HMCN1: variants seen among roughly 807,000 people sequenced by gnomAD.
HMCN1 encodes hemicentin 1, also known as hemicentin-1.
HMCN1 carries 321 observed loss-of-function variants against 625.9 expected under a neutral mutation model. That is an observed-to-expected ratio of 0.51 (90% CI 0.47 to 0.56). HMCN1 has a LOEUF of 0.56. Ranked by LOEUF, HMCN1 falls within the 20% of genes least tolerant of loss-of-function variation. The probability of loss-of-function intolerance (pLI) is 0.00; values close to 1 mark genes in which losing one functional copy is unlikely to be tolerated. For synonymous variants in HMCN1, 2,425 were observed against 2,417.6 expected (o/e 1.00, Z -0.09); for missense variants, 6,588 against 6,887.3 (o/e 0.96, Z 1.54).
chr1:185,981,433 AAATAT>A (rs1415373878), intron 17 of HMCN1, among the ~76,000 whole-genome samples: 2 of 152,102 alleles, frequency 1.3e-5, no homozygotes, highest in African/African-American at 2.4e-5. Flanking sequence ...TGATAGGTAA[AAATAT>A]AATATCATTT....
At chr1:186,089,666 C>A (rs1659727279) in intron 63 of HMCN1, among the ~76,000 whole-genome samples, 1 of 152,020 alleles carries the variant, frequency 6.6e-6, no homozygotes, top group East Asian at 1.9e-4. Context: ...TAGGACTAAA[C>A]ATTTTACCAG....
intron 1 of HMCN1, among the ~76,000 whole-genome samples, chr1:185,781,501 C>G (rs143208199): frequency 2.6e-5 from 4 of 152,152 alleles, no homozygotes; most frequent in Admixed American, 2.0e-4. Flanking sequence ...ACGAATTTCC[C>G]TCTACACACT....
intron 34 of HMCN1, 109 bp downstream of exon 34, chr1:186,018,461 A>G (rs1194873427): frequency 3.5e-6 from 4 of 1,146,106 alleles, no homozygotes; most frequent in Non-Finnish European, 5.2e-6. Context: ...TGAGTTGTGG[A>G]AGGTAGTGTA....
At chr1:186,159,431 C>T (rs903607722) in intron 97 of HMCN1, among the ~76,000 whole-genome samples, 11 of 151,972 alleles carry the variant, frequency 7.2e-5, no homozygotes, top group Non-Finnish European at 1.3e-4. Flanking sequence ...TGCCTAATTG[C>T]CCTGGCCAGA....
intron 1 of HMCN1, among the ~76,000 whole-genome samples, chr1:185,743,454 A>C (rs1031162199): frequency 6.6e-6 from 1 of 152,218 alleles, no homozygotes; most frequent in African/African-American, 2.4e-5. Context: ...TTTCTAAAGC[A>C]GGTGATTTTG....
At position 186,007,295 on chromosome 1, in the gene HMCN1, G is replaced by A; in HGVS notation, c.4630+13G>A. The A allele has an allele frequency of 1.2e-6, 2 of 1,612,444 alleles. No individual in the cohort carries two copies. Among genetic ancestry groups the A allele is most frequent in the Non-Finnish European group, 1.7e-6 (2 of 1,178,660 alleles). On this transcript the variant is annotated intron_variant, in intron 30 of 106. Transcript: ENST00000271588. ...CTGACTATCTATAGTAAGTGCGATTGTCTTATGCTTTTTATTGTCTGCTCT... is the reference window on the plus strand; with the variant it reads ...CTGACTATCTATAGTAAGTGCGATTATCTTATGCTTTTTATTGTCTGCTCT...
intron 6 of HMCN1, among the ~76,000 whole-genome samples, chr1:185,921,185 A>G (rs893299823): frequency 6.6e-6 from 1 of 152,220 alleles, no homozygotes; most frequent in African/African-American, 2.4e-5. Context: ...CCTTTATGCA[A>G]ATGAGCCATA....
At chr1:185,899,918 A>T (rs993486944) in intron 4 of HMCN1, among the ~76,000 whole-genome samples, 1 of 152,076 alleles carries the variant, frequency 6.6e-6, no homozygotes, top group Non-Finnish European at 1.5e-5. Flanking sequence ...CATCTGTCTC[A>T]TTCTTGAGTT....
At chr1:186,176,548 A>G (rs988048542) in intron 103 of HMCN1, among the ~76,000 whole-genome samples, 1 of 152,176 alleles carries the variant, frequency 6.6e-6, no homozygotes, top group African/African-American at 2.4e-5. Context: ...ATGATATCAA[A>G]CCCATTCCTT....
intron 30 of HMCN1, among the ~76,000 whole-genome samples, chr1:186,012,018 C>T (rs1325396632): frequency 6.6e-6 from 1 of 152,118 alleles, no homozygotes; most frequent in African/African-American, 2.4e-5. Context: ...TAAGGCCAGT[C>T]AGGATATTCA....
chr1:185,845,402 G>A (rs751601559), intron 1 of HMCN1, among the ~76,000 whole-genome samples: 10 of 152,018 alleles, frequency 6.6e-5, no homozygotes, highest in Non-Finnish European at 1.5e-4. Flanking sequence ...GTATCTTTTA[G>A]TAGAGACGGG....
At position 185,887,054 on chromosome 1, in the gene HMCN1, G is replaced by A. The variant is rs186035317; in HGVS notation, c.621+21191G>A. 1.6e-4 allele frequency among the ~76,000 whole-genome samples: 24 copies of A among 152,078 alleles called. No homozygotes were observed. The East Asian group carries it at 1.9e-3, about 12-fold the overall frequency. The stretch of plus-strand genomic sequence containing the variant: ...TTCTGCTTCCTTAACCTGAAATAAC[G>A]TCACTTTTTAGCTTTTAACTTCTTT... On this transcript the variant is annotated intron_variant, in intron 4 of 106. Coordinates refer to ENST00000271588, the MANE Select transcript of HMCN1 (RefSeq NM_031935.3).
At chr1:185,996,745 A>G (rs900294628) in intron 24 of HMCN1, among the ~76,000 whole-genome samples, 1 of 152,100 alleles carries the variant, frequency 6.6e-6, no homozygotes, top group African/African-American at 2.4e-5. Context: ...ATGAGAGTGA[A>G]GGAGATAGAG....
chr1:185,940,855 C>G (rs908609831), intron 11 of HMCN1, among the ~76,000 whole-genome samples: 1 of 152,186 alleles, frequency 6.6e-6, no homozygotes, highest in African/African-American at 2.4e-5. Context: ...CCTCTACCTC[C>G]CAGGTTCAAG....
chr1:185,865,630 C>T lies in HMCN1; in HGVS notation c.499-111C>T, dbSNP rs1163799963. 20 of 678,074 alleles carry T rather than the reference C, an allele frequency of 2.9e-5. No individual in the cohort carries two copies. The East Asian group carries it at 3.3e-4, about 11-fold the overall frequency. The allele number at this position is 678,074 out of a possible 1,614,324, so 42.0% of individuals were successfully genotyped here. A position where few individuals can be genotyped will look rare whatever the true frequency, so the allele number is the denominator to read the frequency against. On this transcript the variant is annotated intron_variant, in intron 3 of 106. Transcript: ENST00000271588. ...ACACACACACACACACACACACACA[C>T]ATTCACATATTCTACTTGCCCAGTA... is the stretch of plus-strand genomic sequence containing the variant.
intron 30 of HMCN1, among the ~76,000 whole-genome samples, chr1:186,014,484 TGATCC>T (rs1288960731): frequency 1.3e-5 from 2 of 152,048 alleles, no homozygotes; most frequent in Non-Finnish European, 2.9e-5. Flanking sequence ...AATGATAGCA[TGATCC>T]TGGAATGACC....
At position 186,189,610 on chromosome 1, in the gene HMCN1, C is replaced by T; in HGVS notation, c.16640C>T (p.Thr5547Ile). The change falls in exon 107 of 107, where the codon ACC becomes ATC. Residue 5547 changes from threonine (T) to isoleucine (I), a missense_variant. Around this residue, in one of 3 missense-constraint regions of HMCN1, gnomAD observed 1,954 missense variants for 2,013.1 expected, o/e 0.97. Coordinates refer to ENST00000271588, the MANE Select transcript of HMCN1 (RefSeq NM_031935.3). Reference protein sequence around the residue: ...KLVSLPFGIATNQDLIRLVAY... With the variant: ...KLVSLPFGIAINQDLIRLVAY... ...GTCTCCCTCCCATTTGGAATAGCCA[C>T]CAATCAAGATTTAATCCGGCTGGTT... 1.2e-6 allele frequency: 2 copies of T among 1,613,366 alleles called. No individual in the cohort carries two copies. The highest frequency in any genetic ancestry group is 2.2e-5 in the South Asian group (2 of 90,988).
At chr1:185,909,195 T>C (rs1295485045) in intron 4 of HMCN1, 142 bp from the exon 5 acceptor site, 3 of 651,676 alleles carry the variant, frequency 4.6e-6, no homozygotes, top group African/African-American at 1.8e-5. Flanking sequence ...AAGAGTCCTA[T>C]CTTCAGTAAT....
At chr1:186,010,337 G>T (rs1349669631) in intron 30 of HMCN1, among the ~76,000 whole-genome samples, 1 of 152,106 alleles carries the variant, frequency 6.6e-6, no homozygotes, top group East Asian at 1.9e-4. Flanking sequence ...TGGCAAATAT[G>T]TATGAATTAA....
Sources: allele counts gnomAD v4.1 joint callset (sites outside exome capture counted in the v4.1 genomes callset), GRCh38; gene constraint gnomAD v4.1.1; regional missense constraint gnomAD v4.1.1; transcripts MANE v1.5; gene names NCBI Gene and HGNC (gene_info 2026-07-23, HGNC 2026-07-21).